Variants in SPIRE1 observed in about 807,000 individuals in gnomAD.
The protein encoded by SPIRE1 is spire type actin nucleation factor 1, also known as protein spire homolog 1.
In SPIRE1, 40 loss-of-function variants were observed where a neutral mutation model predicts 94.1. The observed-to-expected ratio is 0.43, with a 90% CI of 0.33 to 0.55. SPIRE1 has a LOEUF of 0.55. SPIRE1 is among the 20% of genes least tolerant of loss of function. The pLI, the probability that SPIRE1 is intolerant of heterozygous loss-of-function variation, is 0.06. For synonymous variants in SPIRE1, 376 were observed against 371.7 expected, an observed-to-expected ratio of 1.01 and a Z score of -0.13; for missense variants, 838 against 975.2, an observed-to-expected ratio of 0.86 and a Z score of 1.87.
intron 2 of SPIRE1, among the ~76,000 whole-genome samples, chr18:12,626,886 A>ATATATATTTT (rs55915333): frequency 6.1e-4 from 68 of 111,894 alleles, no homozygotes; most frequent in South Asian, 1.0e-3. Context: ...ATATATATAT[A>ATATATATTTT]TTTTTTTTTT....
chr18:12,630,806 G>T (rs8089081), intron 2 of SPIRE1, among the ~76,000 whole-genome samples: 54,177 of 152,104 alleles, frequency 0.36, 10,923 homozygotes, highest in East Asian at 0.59. Context: ...TGAACAGGCT[G>T]CCCCAGAATG....
At chr18:12,651,623 G>A (rs1199074746) in intron 1 of SPIRE1, among the ~76,000 whole-genome samples, 5 of 152,112 alleles carry the variant, frequency 3.3e-5, no homozygotes, top group African/African-American at 1.2e-4. Flanking sequence ...GCAGTGAGCC[G>A]AGATCACGCC....
At chr18:12,617,020 C>A (rs2037328053) in intron 2 of SPIRE1, among the ~76,000 whole-genome samples, 1 of 151,036 alleles carries the variant, frequency 6.6e-6, no homozygotes. Context: ...CCACCATGCC[C>A]AGCTAACTTT....
intron 5 of SPIRE1, among the ~76,000 whole-genome samples, chr18:12,509,980 G>C (rs2033976874): frequency 6.6e-6 from 1 of 151,858 alleles, no homozygotes; most frequent in Non-Finnish European, 1.5e-5. Context: ...AGCTACTCAG[G>C]AGGCTGAGGC....
chr18:12,479,449 T>C (rs1275176132), intron 10 of SPIRE1, among the ~76,000 whole-genome samples: 1 of 152,150 alleles, frequency 6.6e-6, no homozygotes, highest in Non-Finnish European at 1.5e-5. Context: ...GCTGGGATTA[T>C]AGACGTGAGC....
In SPIRE1 at chr18:12,501,445, C is replaced by A. The variant is rs535077024; in HGVS notation, c.972+5032G>T. 2.0e-5 allele frequency among the ~76,000 whole-genome samples: 3 copies of A among 152,306 alleles called. No individual in the cohort carries two copies. In the South Asian group the frequency reaches 6.2e-4, roughly 32 times the overall value. Reference sequence around the variant, plus strand: ...TGCCGTCACGCTGGAGTACCAGTGGCGCGATCTCAGCTAACTGCGACTGCG... The same window carrying A: ...TGCCGTCACGCTGGAGTACCAGTGGAGCGATCTCAGCTAACTGCGACTGCG... On this transcript the variant is annotated intron_variant, in intron 6 of 16. Transcript: ENST00000409402.
chr18:12,485,349 C>T (rs1245169496), intron 9 of SPIRE1, among the ~76,000 whole-genome samples: 1 of 152,136 alleles, frequency 6.6e-6, no homozygotes, highest in Non-Finnish European at 1.5e-5. Context: ...TTAAGATCCG[C>T]CCACCTCAGC....
At chr18:12,502,301 A>G (rs1006227383) in intron 6 of SPIRE1, among the ~76,000 whole-genome samples, 2 of 152,230 alleles carry the variant, frequency 1.3e-5, no homozygotes, top group African/African-American at 4.8e-5. Flanking sequence ...GCAATATCAA[A>G]GATGACAGTT....
chr18:12,626,034 A>C (rs1245460940), intron 2 of SPIRE1, among the ~76,000 whole-genome samples: 181 of 109,498 alleles, frequency 1.7e-3, no homozygotes, highest in South Asian at 3.1e-3. Context: ...CATTCCCCAC[A>C]CCGCCCCGCC....
At chr18:12,528,611 A>G (rs2034592000) in intron 4 of SPIRE1, among the ~76,000 whole-genome samples, 1 of 152,196 alleles carries the variant, frequency 6.6e-6, no homozygotes, top group Admixed American at 6.5e-5. Flanking sequence ...ACTGGGTCAG[A>G]TTGTGAACAG....
At position 12,494,552 on chromosome 18, in the gene SPIRE1, G is replaced by A. The variant is rs181067897; in HGVS notation, c.1060-1351C>T. 3.7e-3 allele frequency among the ~76,000 whole-genome samples: 561 copies of A among 151,996 alleles called. 1 individual carries two copies. The highest frequency in any genetic ancestry group is 6.5e-3 in the Non-Finnish European group (441 of 67,944). On this transcript the variant is annotated intron_variant, in intron 7 of 16. Transcript: ENST00000409402. ...AAAGCTCAGAGAAAAAACCTCGGCC[G>A]GGCACGGTGGCTCACGCCTGTAATC...
rs1194022496 is a variant in SPIRE1 at position 12,449,546 on chromosome 18, A to C, written c.*92T>G. ...ATCTAATGCAAATTCAAGCCCATTA[A>C]ATAAAACCACAGAAAGGAGAGCCAG... On this transcript the variant is annotated 3_prime_UTR_variant, in exon 17 of 17. Coordinates refer to ENST00000409402, the MANE Select transcript of SPIRE1 (RefSeq NM_001128626.2). The C allele has an allele frequency of 1.5e-6, 2 of 1,335,762 alleles. No homozygotes were observed. Among genetic ancestry groups the C allele is most frequent in the East Asian group, 2.5e-5 (1 of 39,884 alleles). The allele number at this position is 1,335,762 out of a possible 1,614,324, so 82.7% of individuals were successfully genotyped here.
At chr18:12,513,557 CTT>C (rs1389140568) in intron 4 of SPIRE1, among the ~76,000 whole-genome samples, 1 of 150,628 alleles carries the variant, frequency 6.6e-6, no homozygotes, top group African/African-American at 2.4e-5. Flanking sequence ...GAGTTTTGCT[CTT>C]GTTGCCCAGG....
At chr18:12,573,263 A>G (rs1405203309) in intron 2 of SPIRE1, among the ~76,000 whole-genome samples, 1 of 152,184 alleles carries the variant, frequency 6.6e-6, no homozygotes, top group African/African-American at 2.4e-5. Context: ...CCATTAAGGA[A>G]CTGCAAATTA....
In SPIRE1 at chr18:12,482,939, C is replaced by CTTT. The variant is rs11373716; in HGVS notation, c.1231+3017_1231+3019dup. 3.6e-4 allele frequency among the ~76,000 whole-genome samples: 46 copies of CTTT among 128,850 alleles called. 2 individuals carry two copies. Among genetic ancestry groups the CTTT allele is most frequent in the African/African-American group, 1.1e-3 (37 of 33,760 alleles). The allele number at this position is 128,850 out of a possible 152,430, so 84.5% of individuals were successfully genotyped here. A position where few individuals can be genotyped will look rare whatever the true frequency, so the allele number is the denominator to read the frequency against. On this transcript the variant is annotated intron_variant, in intron 9 of 16. Coordinates refer to ENST00000409402, the MANE Select transcript of SPIRE1 (RefSeq NM_001128626.2). ...CAGACTGGCAAAAGACTTAATTGCA[C>CTTT]TTTTTTTTTTTTTTTTTTTGAGACA... is the stretch of plus-strand genomic sequence containing the variant.
At chr18:12,584,571 A>T (rs8086094) in intron 2 of SPIRE1, among the ~76,000 whole-genome samples, 84,583 of 151,968 alleles carry the variant, frequency 0.56, 24,685 homozygotes, top group Middle Eastern at 0.75. Flanking sequence ...TACCTAAAAC[A>T]GGCAGCCAGA....
At chr18:12,509,956 G>A (rs146223307) in intron 5 of SPIRE1, among the ~76,000 whole-genome samples, 10,321 of 151,686 alleles carry the variant, frequency 0.068, 420 homozygotes, top group African/African-American at 0.099. Flanking sequence ...GTGGTGGTGC[G>A]CACCTGTAAT....
chr18:12,540,933 T>C (rs887372377), intron 3 of SPIRE1, among the ~76,000 whole-genome samples: 1 of 152,186 alleles, frequency 6.6e-6, no homozygotes, highest in African/African-American at 2.4e-5. Flanking sequence ...AATCACCCCT[T>C]TGTGCAGCAT....
At chr18:12,610,002 T>C (rs1432582966) in intron 2 of SPIRE1, among the ~76,000 whole-genome samples, 1 of 152,092 alleles carries the variant, frequency 6.6e-6, no homozygotes, top group Non-Finnish European at 1.5e-5. Context: ...ATCAGGTTGC[T>C]GAACCTGGAA....
Sources: allele counts gnomAD v4.1 joint callset (sites outside exome capture counted in the v4.1 genomes callset), GRCh38; gene constraint gnomAD v4.1.1; transcripts MANE v1.5; gene names NCBI Gene and HGNC (gene_info 2026-07-23, HGNC 2026-07-21).